The following MITF variants were observed in gnomAD, a reference collection of about 807,000 sequenced individuals.
MITF encodes the protein microphthalmia-associated transcription factor.
Under a neutral mutation model 60.5 loss-of-function variants are expected in MITF, and 17 were observed. That is an observed-to-expected ratio of 0.28 (90% CI 0.19 to 0.42). The LOEUF (loss-of-function observed/expected upper bound fraction) is 0.42, where lower values mean the gene tolerates loss of function less well. Among genes scored for constraint, MITF ranks in the 10% least tolerant of loss-of-function variants. The pLI, the probability that MITF is intolerant of heterozygous loss-of-function variation, is 1.00. For synonymous variants in MITF, 260 were observed against 248.5 expected (o/e 1.05, Z -0.43); for missense variants, 622 against 683.5 (o/e 0.91, Z 1.00).
At chr3:69,820,853 A>C (rs1328487999) in intron 1 of MITF, among the ~76,000 whole-genome samples, 2 of 152,158 alleles carry the variant, frequency 1.3e-5, no homozygotes, top group African/African-American at 2.4e-5. Flanking sequence ...ATAGAAATAG[A>C]ATGTGTGTTA....
chr3:69,819,713 GCACTTTGGGAGGCTGAGGCAGGTGGAT>G (rs1419316363), intron 1 of MITF, among the ~76,000 whole-genome samples: 5 of 152,142 alleles, frequency 3.3e-5, no homozygotes, highest in African/African-American at 2.4e-5. Flanking sequence ...TGTAATCCCA[GCACTTTGGGAGGCTGAGGCAGGTGGAT>G]CACTTGAGGT....
At chr3:69,774,611 G>A (rs576536139) in intron 1 of MITF, among the ~76,000 whole-genome samples, 37 of 152,254 alleles carry the variant, frequency 2.4e-4, no homozygotes, top group African/African-American at 8.7e-4. Context: ...GGGCAGCCTA[G>A]GAGTATTCTA....
intron 1 of MITF, among the ~76,000 whole-genome samples, chr3:69,759,082 C>T (rs1344964713): frequency 1.3e-5 from 2 of 152,128 alleles, no homozygotes; most frequent in Admixed American, 6.6e-5. Flanking sequence ...CTACAAATAC[C>T]GAATTAGCAA....
At position 69,967,985 on chromosome 3, in the gene MITF, A is replaced by T; in HGVS notation, c.*2737A>T. 4.3e-6 allele frequency: 1 copy of T among 233,644 alleles called. No homozygotes were observed. Among genetic ancestry groups the T allele is most frequent in the Non-Finnish European group, 8.5e-6 (1 of 117,978 alleles). The allele number at this position is 233,644 out of a possible 1,614,324, so 14.5% of individuals were successfully genotyped here. ...AAGCAACCTGGTCATACATAGGATG[A>T]CAAAATTCTTTCTGGTTGTTTTTAA... On this transcript the variant is annotated 3_prime_UTR_variant, in exon 10 of 10. Transcript: ENST00000352241.
At chr3:69,931,815 T>G (rs1283047279) in intron 2 of MITF, among the ~76,000 whole-genome samples, 2 of 152,224 alleles carry the variant, frequency 1.3e-5, no homozygotes, top group Non-Finnish European at 2.9e-5. Context: ...GTTAAAGTCC[T>G]AGATCAGAAC....
At chr3:69,815,206 G>A (rs1009634599) in intron 1 of MITF, among the ~76,000 whole-genome samples, 6 of 152,146 alleles carry the variant, frequency 3.9e-5, no homozygotes, top group African/African-American at 1.4e-4. Context: ...GAGTTAACAA[G>A]GTCCAGTCCT....
intron 6 of MITF, among the ~76,000 whole-genome samples, 199 bp from the exon 7 acceptor site, chr3:69,951,613 A>G (rs766247273): frequency 6.6e-6 from 1 of 152,052 alleles, no homozygotes; most frequent in African/African-American, 2.4e-5. Context: ...CAGTTTTTAC[A>G]TATTGTATAT....
At chr3:69,741,223 G>T (rs772637449) in intron 1 of MITF, among the ~76,000 whole-genome samples, 7 of 152,094 alleles carry the variant, frequency 4.6e-5, no homozygotes, top group Non-Finnish European at 8.8e-5. Context: ...ATTGTGTGAA[G>T]GGTATTGTTG....
rs575781114 is a variant in MITF at position 69,947,675 on chromosome 3, G to A, written c.763-1376G>A. On this transcript the variant is annotated intron_variant, in intron 5 of 9. Transcript: ENST00000352241. ...CTGCTTTCAAAAAGGAGCAAAAGAG[G>A]GAGTTGTATTCTGCTGGTCTGTCTG... 2.0e-5 allele frequency among the ~76,000 whole-genome samples: 3 copies of A among 152,156 alleles called. No homozygotes were observed. In the South Asian group the frequency reaches 6.2e-4, roughly 32 times the overall value.
chr3:69,948,969 CTA>C (rs952138712), intron 5 of MITF, 80 bp from the exon 6 acceptor site: 13 of 1,001,458 alleles, frequency 1.3e-5, no homozygotes. Flanking sequence ...TAAATAAATC[CTA>C]GAGTAGGATA....
At chr3:69,783,216 G>A (rs969418255) in intron 1 of MITF, among the ~76,000 whole-genome samples, 1 of 152,162 alleles carries the variant, frequency 6.6e-6, no homozygotes, top group South Asian at 2.1e-4. Flanking sequence ...AGAGACCTAG[G>A]TATCCTCTGA....
intron 1 of MITF, among the ~76,000 whole-genome samples, chr3:69,771,445 A>G (rs540530625): frequency 1.2e-4 from 19 of 152,274 alleles, no homozygotes; most frequent in African/African-American, 4.6e-4. Context: ...CCCAAGTCAG[A>G]GTTAATAGCC....
intron 1 of MITF, among the ~76,000 whole-genome samples, chr3:69,777,781 G>A (rs2062498345): frequency 1.3e-5 from 2 of 152,186 alleles, no homozygotes; most frequent in South Asian, 4.1e-4. Flanking sequence ...GCCATGGTTG[G>A]AAGGCGGGAA....
At chr3:69,946,094 G>C (rs1240567729) in intron 5 of MITF, among the ~76,000 whole-genome samples, 3 of 152,182 alleles carry the variant, frequency 2.0e-5, no homozygotes, top group African/African-American at 7.2e-5. Context: ...AATCATAGCA[G>C]TTACCACTTA....
intron 1 of MITF, chr3:69,866,084 T>G: frequency 1.1e-6 from 1 of 929,936 alleles, no homozygotes; most frequent in Admixed American, 3.9e-5. Flanking sequence ...GAGGCAGCGT[T>G]TTTGTCCTGC....
intron 2 of MITF, among the ~76,000 whole-genome samples, chr3:69,886,330 G>T (rs1037589113): frequency 6.6e-6 from 1 of 152,078 alleles, no homozygotes; most frequent in Non-Finnish European, 1.5e-5. Flanking sequence ...ATTAATTATA[G>T]GGTGGATTGG....
intron 1 of MITF, among the ~76,000 whole-genome samples, chr3:69,827,051 G>A (rs1230076421): frequency 9.2e-5 from 14 of 152,074 alleles, no homozygotes. Flanking sequence ...TTTTGCTGTT[G>A]TATTAGCCTA....
chr3:69,846,194 T>C (rs1256287819), intron 1 of MITF, among the ~76,000 whole-genome samples: 2 of 42,264 alleles, frequency 4.7e-5, no homozygotes, highest in African/African-American at 1.1e-4. Context: ...AAATGAGATC[T>C]AAATTAAATG....
At chr3:69,829,289 C>T (rs1294201368) in intron 1 of MITF, among the ~76,000 whole-genome samples, 2 of 152,086 alleles carry the variant, frequency 1.3e-5, no homozygotes, top group African/African-American at 2.4e-5. Flanking sequence ...TGATGAGGAA[C>T]CTGCATCATG....
Sources: allele counts gnomAD v4.1 joint callset (sites outside exome capture counted in the v4.1 genomes callset), GRCh38; gene constraint gnomAD v4.1.1; transcripts MANE v1.5; gene names NCBI Gene and HGNC (gene_info 2026-07-23, HGNC 2026-07-21).